KLHL1: variants seen among roughly 807,000 people sequenced by gnomAD.
The protein encoded by KLHL1 is kelch like family member 1.
In KLHL1, 47 loss-of-function variants were observed where a neutral mutation model predicts 77.7. The observed-to-expected ratio is 0.60, with a 90% CI of 0.48 to 0.77. The LOEUF is 0.77. Ranked by LOEUF, KLHL1 falls within the 30% of genes least tolerant of loss-of-function variation. The probability of loss-of-function intolerance (pLI) is 0.00; values close to 1 mark genes in which losing one functional copy is unlikely to be tolerated. For synonymous variants in KLHL1, 360 were observed against 325.2 expected (o/e 1.11, Z -1.15); for missense variants, 925 against 910.8 (o/e 1.02, Z -0.20).
chr13:69,746,138 G>GTTC (rs1874205349), intron 7 of KLHL1, among the ~76,000 whole-genome samples: 2 of 151,428 alleles, frequency 1.3e-5, no homozygotes, highest in African/African-American at 4.8e-5. Context: ...AAAGAAAATA[G>GTTC]TTCTTATGTA....
At chr13:70,068,178 A>G (rs1293776779) in intron 1 of KLHL1, among the ~76,000 whole-genome samples, 2 of 151,766 alleles carry the variant, frequency 1.3e-5, no homozygotes, top group Admixed American at 1.3e-4. Flanking sequence ...CATCTCTACT[A>G]AAAATACAAA....
chr13:70,096,030 C>T (rs556099792), intron 1 of KLHL1, among the ~76,000 whole-genome samples: 6 of 152,004 alleles, frequency 3.9e-5, no homozygotes, highest in Non-Finnish European at 5.9e-5. Context: ...TGATTTCATT[C>T]GTTTTTATAA....
intron 7 of KLHL1, among the ~76,000 whole-genome samples, chr13:69,775,109 A>G (rs1174262584): frequency 1.3e-5 from 2 of 152,156 alleles, no homozygotes; most frequent in African/African-American, 4.8e-5. Flanking sequence ...CTGAATGAAA[A>G]AACATGTCTA....
intron 6 of KLHL1, among the ~76,000 whole-genome samples, chr13:69,834,351 A>G (rs989508557): frequency 6.6e-6 from 1 of 152,148 alleles, no homozygotes; most frequent in East Asian, 1.9e-4. Flanking sequence ...TTACTTAAAA[A>G]AAATCAGTTA....
intron 1 of KLHL1, among the ~76,000 whole-genome samples, chr13:69,983,431 T>C (rs1181397459): frequency 1.3e-5 from 2 of 151,902 alleles, no homozygotes; most frequent in African/African-American, 4.8e-5. Flanking sequence ...GCTGGAGGCA[T>C]TACACTACCT....
At chr13:70,013,049 TC>T in intron 1 of KLHL1, among the ~76,000 whole-genome samples, 1 of 152,264 alleles carries the variant, frequency 6.6e-6, no homozygotes, top group Non-Finnish European at 1.5e-5. Flanking sequence ...TAGTTTATCT[TC>T]CATGAAGAAT....
At chr13:69,783,405 G>C (rs1474105490) in intron 7 of KLHL1, among the ~76,000 whole-genome samples, 1 of 152,034 alleles carries the variant, frequency 6.6e-6, no homozygotes, top group Non-Finnish European at 1.5e-5. Context: ...CAAACCAATG[G>C]CAAAGCAGTT....
intron 7 of KLHL1, among the ~76,000 whole-genome samples, chr13:69,791,077 AAAT>A (rs1016416612): frequency 4.6e-5 from 7 of 152,094 alleles, no homozygotes; most frequent in African/African-American, 7.2e-5. Flanking sequence ...AAAAAAGAAA[AAAT>A]AATAATAAAT....
Position 69,992,536 on chromosome 13 carries a change from T to C in KLHL1, c.498-16734A>G, listed in dbSNP as rs1374674538. Among the ~76,000 whole-genome samples the C allele has an allele frequency of 8.6e-5, 13 of 152,042 alleles. 1 individual carries two copies. The highest frequency in any genetic ancestry group is 8.5e-4 in the Admixed American group (13 of 15,212). On this transcript the variant is annotated intron_variant, in intron 1 of 10. Coordinates refer to ENST00000377844, the MANE Select transcript of KLHL1 (RefSeq NM_020866.3). Reference sequence around the variant, plus strand: ...GCGGATGGTTGATGTTACTACAATCTACTTTGTAGATGAGGAGACCAAAAC... The same window carrying C: ...GCGGATGGTTGATGTTACTACAATCCACTTTGTAGATGAGGAGACCAAAAC...
At chr13:69,818,869 G>C (rs1299265092) in intron 6 of KLHL1, among the ~76,000 whole-genome samples, 1 of 152,000 alleles carries the variant, frequency 6.6e-6, no homozygotes, top group African/African-American at 2.4e-5. Flanking sequence ...TACTCAAAGG[G>C]GCAAATATGA....
In KLHL1 at chr13:69,765,502, T is replaced by C. The variant is rs17085354; in HGVS notation, c.1640-24946A>G. On this transcript the variant is annotated intron_variant, in intron 7 of 10. Coordinates refer to ENST00000377844, the MANE Select transcript of KLHL1 (RefSeq NM_020866.3). Reference sequence around the variant, plus strand: ...ATTGTTTTATAATGAGAGTCAATACTAGGTAATATTAAAAAGGAAAAACTC... The same window carrying C: ...ATTGTTTTATAATGAGAGTCAATACCAGGTAATATTAAAAAGGAAAAACTC... Among the ~76,000 whole-genome samples the C allele has an allele frequency of 9.6e-3, 1,465 of 152,218 alleles. 27 individuals are homozygous for C. The highest frequency in any genetic ancestry group is 0.033 in the African/African-American group (1,378 of 41,540).
intron 8 of KLHL1, among the ~76,000 whole-genome samples, chr13:69,721,403 G>T (rs1374123582): frequency 6.6e-6 from 1 of 151,480 alleles, no homozygotes. Context: ...CAGGTCTCCC[G>T]AGGCTGTGTA....
Position 70,021,627 on chromosome 13 carries a change from C to G in KLHL1, c.498-45825G>C, listed in dbSNP as rs140825497. On this transcript the variant is annotated intron_variant, in intron 1 of 10. Coordinates refer to ENST00000377844, the MANE Select transcript of KLHL1 (RefSeq NM_020866.3). ...TAGCTGTGCTATTTTGTATTCCCAT[C>G]AGCAATGAATGAGAATTCTTCTTCT... Among the ~76,000 whole-genome samples, 6 of 152,080 alleles carry G rather than the reference C, an allele frequency of 3.9e-5. No individual in the cohort carries two copies. The East Asian group carries it at 1.2e-3, about 30-fold the overall frequency.
At chr13:69,818,811 AC>A (rs1157520210) in intron 6 of KLHL1, among the ~76,000 whole-genome samples, 1 of 152,178 alleles carries the variant, frequency 6.6e-6, no homozygotes, top group East Asian at 1.9e-4. Context: ...TTGAAGTGGA[AC>A]CAAAGTGACT....
chr13:69,741,567 C>T (rs547228078), intron 7 of KLHL1, among the ~76,000 whole-genome samples: 12 of 152,204 alleles, frequency 7.9e-5, no homozygotes, highest in African/African-American at 1.9e-4. Flanking sequence ...TGGTTCCCCA[C>T]GCCCCAATTC....
intron 4 of KLHL1, among the ~76,000 whole-genome samples, chr13:69,889,832 A>T (rs765745479): frequency 7.9e-5 from 12 of 152,088 alleles, no homozygotes; most frequent in Non-Finnish European, 1.8e-4. Context: ...CTATCCTTAG[A>T]GGAATGCCTG....
chr13:69,831,195 A>G (rs900272300), intron 6 of KLHL1, among the ~76,000 whole-genome samples: 2 of 150,098 alleles, frequency 1.3e-5, no homozygotes, highest in Non-Finnish European at 3.0e-5. Context: ...CTCATAGACC[A>G]TTAGTGAGAT....
chr13:70,025,289 T>C (rs1376147056), intron 1 of KLHL1, among the ~76,000 whole-genome samples: 1 of 152,070 alleles, frequency 6.6e-6, no homozygotes, highest in Non-Finnish European at 1.5e-5. Flanking sequence ...GGTGTCTACT[T>C]AACCAAAACA....
intron 3 of KLHL1, among the ~76,000 whole-genome samples, chr13:69,957,507 A>G (rs926568362): frequency 6.6e-6 from 1 of 151,800 alleles, no homozygotes; most frequent in African/African-American, 2.4e-5. Flanking sequence ...GCACATCCAG[A>G]TAAATCCATT....
Sources: gnomAD v4.1 joint callset for allele counts (sites outside exome capture counted in the v4.1 genomes callset) on GRCh38, gnomAD v4.1.1 for gene constraint, MANE v1.5 for transcripts, NCBI Gene and HGNC (gene_info 2026-07-23, HGNC 2026-07-21) for gene names.